The following LSM3 variants were observed in gnomAD, a reference collection of about 807,000 sequenced individuals.
LSM3 encodes U6 snRNA-associated Sm-like protein LSm3.
Under a neutral mutation model 15.4 loss-of-function variants are expected in LSM3, and 14 were observed. That is an observed-to-expected ratio of 0.91 (90% CI 0.60 to 1.42). The LOEUF (loss-of-function observed/expected upper bound fraction) is 1.42, where lower values mean the gene tolerates loss of function less well. LSM3 is among the 40% of genes most tolerant of loss of function. The probability of loss-of-function intolerance (pLI) is 0.00; values close to 1 mark genes in which losing one functional copy is unlikely to be tolerated. For missense variants in LSM3, 88 were observed against 127.9 expected, an observed-to-expected ratio of 0.69 and a Z score of 1.50; for synonymous variants, 46 against 45.1, an observed-to-expected ratio of 1.02 and a Z score of -0.08.
chr3:14,190,199 A>G (rs1377090380), intron 3 of LSM3, among the ~76,000 whole-genome samples: 2 of 152,292 alleles, frequency 1.3e-5, no homozygotes, highest in East Asian at 3.9e-4. Flanking sequence ...TGGTTACTGT[A>G]GCCTTGTAGT....
intron 3 of LSM3, among the ~76,000 whole-genome samples, chr3:14,195,637 G>A (rs1381891937): frequency 6.6e-6 from 1 of 152,198 alleles, no homozygotes; most frequent in Non-Finnish European, 1.5e-5. Context: ...TCTGAATACT[G>A]TTAGGAGCCC....
Position 14,200,428 on chromosome 3 carries a change from C to A in LSM3, c.*2312C>A, listed in dbSNP as rs1697224459. On this transcript the variant is annotated 3_prime_UTR_variant, in exon 4 of 4. Coordinates refer to ENST00000306024, the MANE Select transcript of LSM3 (RefSeq NM_014463.3). Reference sequence around the variant, plus strand: ...GTTATGGTGTGAGGGCCCCTGGGAGCCACGCCTTGGACTTCTGAGTCTGCA... The same window carrying A: ...GTTATGGTGTGAGGGCCCCTGGGAGACACGCCTTGGACTTCTGAGTCTGCA... 6.6e-6 allele frequency: 1 copy of A among 152,284 alleles called. No homozygotes were observed. Among genetic ancestry groups the A allele is most frequent in the Non-Finnish European group, 1.5e-5 (1 of 68,132 alleles). The allele number at this position is 152,284 out of a possible 1,614,324, so 9.4% of individuals were successfully genotyped here.
At chr3:14,185,749 A>C (rs547802084) in intron 3 of LSM3, among the ~76,000 whole-genome samples, 1 of 152,170 alleles carries the variant, frequency 6.6e-6, no homozygotes, top group African/African-American at 2.4e-5. Context: ...AAATTCATTA[A>C]TCTGCCTTGC....
At chr3:14,196,895 A>G (rs1182838279) in intron 3 of LSM3, among the ~76,000 whole-genome samples, 1 of 152,226 alleles carries the variant, frequency 6.6e-6, no homozygotes, top group South Asian at 2.1e-4. Flanking sequence ...AAACAATTCA[A>G]AGGGCCAGTA....
intron 3 of LSM3, among the ~76,000 whole-genome samples, chr3:14,195,364 T>G (rs1412158465): frequency 2.0e-5 from 3 of 152,080 alleles, no homozygotes; most frequent in Admixed American, 1.3e-4. Context: ...AGAAGGAATT[T>G]TTATGAACAG....
intron 3 of LSM3, among the ~76,000 whole-genome samples, chr3:14,194,584 A>G (rs1559393266): frequency 6.6e-6 from 1 of 152,054 alleles, no homozygotes; most frequent in Non-Finnish European, 1.5e-5. Context: ...GTATGAGTGA[A>G]CTTCAGATTT....
rs1479498214 is a variant in LSM3, at chr3:14,198,973, A to G, written c.*857A>G. The G allele has an allele frequency of 6.6e-6, 1 of 152,226 alleles. No individual in the cohort carries two copies. Among genetic ancestry groups the G allele is most frequent in the Non-Finnish European group, 1.5e-5 (1 of 68,062 alleles). 9.4% of individuals were successfully genotyped at this position (152,226 alleles called of 1,614,324 possible). A position where few individuals can be genotyped will look rare whatever the true frequency, so the allele number is the denominator to read the frequency against. On this transcript the variant is annotated 3_prime_UTR_variant, in exon 4 of 4. Transcript: ENST00000306024. ...TAGAATCATGCACATGCAGGATGCC[A>G]TAGGAGCATGGGGAAGAGCACCCAA...
chr3:14,187,838 C>T (rs1697103254), intron 3 of LSM3, among the ~76,000 whole-genome samples: 1 of 152,214 alleles, frequency 6.6e-6, no homozygotes, highest in African/African-American at 2.4e-5. Flanking sequence ...GTCAGTCTTA[C>T]TCTTCTGATT....
intron 3 of LSM3, among the ~76,000 whole-genome samples, chr3:14,189,734 T>C (rs1260000923): frequency 6.6e-6 from 1 of 152,226 alleles, no homozygotes; most frequent in Non-Finnish European, 1.5e-5. Flanking sequence ...AAAAATTTTC[T>C]CCCATTCTGT....
intron 3 of LSM3, among the ~76,000 whole-genome samples, chr3:14,192,127 T>C (rs1057233049): frequency 6.6e-6 from 1 of 152,264 alleles, no homozygotes; most frequent in African/African-American, 2.4e-5. Flanking sequence ...CTAATTTGAT[T>C]GCAATGTGGT....
Position 14,184,756 on chromosome 3 carries a change from C to CA in LSM3, c.228+738dup, listed in dbSNP as rs959190131. Among the ~76,000 whole-genome samples, 453 of 90,684 alleles carry CA rather than the reference C, an allele frequency of 5.0e-3. 5 individuals carry two copies. The highest frequency in any genetic ancestry group is 0.034 in the South Asian group (98 of 2,866). 59.5% of individuals were successfully genotyped at this position (90,684 alleles called of 152,430 possible). Reference sequence around the variant, plus strand: ...TGGGCGACAGAGCGAGACTCCGTCTCAAAAAAAAAAAAAACCTGGCCAGGC... The same window carrying CA: ...TGGGCGACAGAGCGAGACTCCGTCTCAAAAAAAAAAAAAAACCTGGCCAGGC... On this transcript the variant is annotated intron_variant, in intron 3 of 3. Transcript: ENST00000306024.
chr3:14,197,905 A>G (rs1024564399), intron 3 of LSM3, 131 bp from the exon 4 acceptor site: 3 of 695,472 alleles, frequency 4.3e-6, no homozygotes, highest in South Asian at 1.8e-5. Flanking sequence ...GGTGCTACCA[A>G]GGGAAGTGAT....
chr3:14,188,578 G>A (rs564425226), intron 3 of LSM3, among the ~76,000 whole-genome samples: 3 of 152,074 alleles, frequency 2.0e-5, no homozygotes, highest in Non-Finnish European at 4.4e-5. Flanking sequence ...GAATCTTCTC[G>A]TGTCTTTATG....
rs547706764 is a variant in LSM3, at chr3:14,190,611, G to A, written c.228+6579G>A. On this transcript the variant is annotated intron_variant, in intron 3 of 3. Coordinates refer to ENST00000306024, the MANE Select transcript of LSM3 (RefSeq NM_014463.3). ...CTATTTGTCTGTTATTTATGTATAG[G>A]AATGCTTGTGATTTTTGCACATTGA... is the stretch of plus-strand genomic sequence containing the variant. Among the ~76,000 whole-genome samples the A allele has an allele frequency of 1.5e-3, 234 of 152,282 alleles. 1 individual carries two copies. The highest frequency in any genetic ancestry group is 2.0e-3 in the Non-Finnish European group (139 of 68,020).
At chr3:14,181,066 T>C (rs1187847725) in intron 1 of LSM3, among the ~76,000 whole-genome samples, 2 of 152,018 alleles carry the variant, frequency 1.3e-5, no homozygotes, top group East Asian at 3.9e-4. Flanking sequence ...AATATATTTA[T>C]CTTATTCACC....
In LSM3 at chr3:14,199,410, G is replaced by A. The variant is rs867548335; in HGVS notation, c.*1294G>A. Reference sequence around the variant, plus strand: ...ATGTAGAAAATCCAACTTGTGGATGGTTTGTCTGTAAATGAGCTGAATGTG... The same window carrying A: ...ATGTAGAAAATCCAACTTGTGGATGATTTGTCTGTAAATGAGCTGAATGTG... On this transcript the variant is annotated 3_prime_UTR_variant, in exon 4 of 4. Transcript: ENST00000306024. 10 of 152,210 alleles carry A rather than the reference G, an allele frequency of 6.6e-5. No individual in the cohort carries two copies. The highest frequency in any genetic ancestry group is 2.4e-4 in the African/African-American group (10 of 41,446). 9.4% of individuals were successfully genotyped at this position (152,210 alleles called of 1,614,324 possible).
chr3:14,182,444 AT>A (rs1328871482), intron 2 of LSM3, among the ~76,000 whole-genome samples: 1 of 150,434 alleles, frequency 6.6e-6, no homozygotes, highest in Non-Finnish European at 1.5e-5. Flanking sequence ...ATAGTGATCG[AT>A]TTTTTTTCAT....
intron 2 of LSM3, 49 bp downstream of exon 2, chr3:14,181,719 C>T (rs775708079): frequency 3.0e-6 from 4 of 1,324,968 alleles, no homozygotes; most frequent in Non-Finnish European, 3.3e-6. Flanking sequence ...TTCCTACCCC[C>T]ACTCCCTTGA....
At position 14,184,045 on chromosome 3, in the gene LSM3, A is replaced by G. The variant is rs369805927; in HGVS notation, c.228+13A>G. 10 of 1,597,614 alleles carry G rather than the reference A, an allele frequency of 6.3e-6. No homozygotes were observed. In the African/African-American group the frequency reaches 1.1e-4, roughly 17 times the overall value. On this transcript the variant is annotated intron_variant, in intron 3 of 3. Coordinates refer to ENST00000306024, the MANE Select transcript of LSM3 (RefSeq NM_014463.3). ...AGAGATATATAAAGTAAGTCATGCA[A>G]TTCTATTCATTGCTTTGCAAATATC...
Sources: allele counts gnomAD v4.1 joint callset (sites outside exome capture counted in the v4.1 genomes callset), GRCh38; gene constraint gnomAD v4.1.1; transcripts MANE v1.5; gene names NCBI Gene and HGNC (gene_info 2026-07-23, HGNC 2026-07-21).